The following ATR variants were observed in gnomAD, a reference collection of about 807,000 sequenced individuals.
ATR encodes ATR checkpoint kinase.
A neutral mutation model predicts 305.3 loss-of-function variants in ATR; 142 were observed. The observed-to-expected ratio is 0.47, with a 90% CI of 0.41 to 0.53. ATR has a LOEUF of 0.53. Among genes scored for constraint, ATR ranks in the 20% least tolerant of loss-of-function variants. ATR has a pLI of 0.00. For synonymous variants in ATR, 1,050 were observed against 1,068.1 expected, an observed-to-expected ratio of 0.98 and a Z score of 0.33; for missense variants, 2,135 against 3,133.1, an observed-to-expected ratio of 0.68 and a Z score of 7.60.
chr3:142,457,864 A>T, intron 44 of ATR, 109 bp from the exon 45 acceptor site: 1 of 1,213,242 alleles, frequency 8.2e-7, no homozygotes, highest in Non-Finnish European at 1.2e-6. Context: ...AATACCCTCA[A>T]AATATTTATG....
chr3:142,483,215 A>G (rs1346043652), intron 36 of ATR, among the ~76,000 whole-genome samples: 1 of 150,880 alleles, frequency 6.6e-6, no homozygotes, highest in Admixed American at 6.6e-5. Flanking sequence ...CTGAGAAGTC[A>G]TAGTACCTCA....
chr3:142,550,448 G>C, intron 13 of ATR, 146 bp from the exon 14 acceptor site: 1 of 831,586 alleles, frequency 1.2e-6, no homozygotes, highest in East Asian at 2.6e-5. Context: ...ACCTTAATGA[G>C]GTAGACTATG....
chr3:142,553,539 A>T (rs1242023564), intron 12 of ATR, 101 bp downstream of exon 12: 1 of 1,452,768 alleles, frequency 6.9e-7, no homozygotes, highest in Non-Finnish European at 9.5e-7. Flanking sequence ...CATTTTGTCT[A>T]TAATATCACA....
At chr3:142,522,556 T>C (rs941630565) in intron 23 of ATR, among the ~76,000 whole-genome samples, 172 bp downstream of exon 23, 4 of 152,180 alleles carry the variant, frequency 2.6e-5, no homozygotes, top group Admixed American at 1.3e-4. Context: ...ACTATACCTA[T>C]AATAATTGGT....
chr3:142,547,260 A>G (rs1388890885), intron 16 of ATR, among the ~76,000 whole-genome samples: 3 of 152,210 alleles, frequency 2.0e-5, no homozygotes, highest in African/African-American at 7.2e-5. Flanking sequence ...GGATTAAACT[A>G]CAGTTAGAAT....
chr3:142,517,351 A>T (rs1415874747), intron 24 of ATR, among the ~76,000 whole-genome samples: 1 of 20,088 alleles, frequency 5.0e-5, no homozygotes, highest in South Asian at 7.2e-4. Flanking sequence ...AGCCCAAATT[A>T]AAAAAAAAAA....
intron 23 of ATR, among the ~76,000 whole-genome samples, chr3:142,519,999 G>A (rs184064286): frequency 1.3e-5 from 2 of 152,128 alleles, no homozygotes; most frequent in Admixed American, 1.3e-4. Flanking sequence ...AAATCTATCA[G>A]TGCCATTTTC....
chr3:142,472,931 T>C (rs1305447581), intron 36 of ATR, among the ~76,000 whole-genome samples: 1 of 152,164 alleles, frequency 6.6e-6, no homozygotes, highest in African/African-American at 2.4e-5. Context: ...TGAGCCACCA[T>C]GCCTGGCCAG....
chr3:142,476,947 A>T (rs2071472757), intron 36 of ATR, among the ~76,000 whole-genome samples: 1 of 152,292 alleles, frequency 6.6e-6, no homozygotes, highest in African/African-American at 2.4e-5. Flanking sequence ...TTGATTTTGT[A>T]TCCTGAGACT....
chr3:142,572,959 A>C (rs2035323146), intron 1 of ATR, among the ~76,000 whole-genome samples: 1 of 152,152 alleles, frequency 6.6e-6, no homozygotes. Context: ...CCACTAGACT[A>C]TAAGCTCCTA....
chr3:142,496,561 T>TA (rs1399220469), intron 33 of ATR, 41 bp from the exon 34 acceptor site: 1 of 1,582,438 alleles, frequency 6.3e-7, no homozygotes, highest in Non-Finnish European at 8.6e-7. Context: ...AGACCATTGG[T>TA]AAGTGTACAC....
At chr3:142,483,894 C>T (rs1025694169) in intron 36 of ATR, among the ~76,000 whole-genome samples, 5 of 147,538 alleles carry the variant, frequency 3.4e-5, no homozygotes, top group Admixed American at 1.3e-4. Flanking sequence ...TATATAACCA[C>T]GAAATATGAC....
intron 41 of ATR, among the ~76,000 whole-genome samples, chr3:142,463,460 G>C (rs950592784): frequency 6.6e-6 from 1 of 152,256 alleles, no homozygotes; most frequent in Non-Finnish European, 1.5e-5. Flanking sequence ...GCAGTGGCAC[G>C]ATCTGGGCTC....
intron 38 of ATR, among the ~76,000 whole-genome samples, chr3:142,468,725 C>T (rs1024913259): frequency 3.3e-5 from 5 of 152,084 alleles, no homozygotes; most frequent in African/African-American, 9.7e-5. Flanking sequence ...CACGATAGCT[C>T]ATGCCTGTAA....
intron 36 of ATR, among the ~76,000 whole-genome samples, chr3:142,482,895 A>G (rs999834483): frequency 6.7e-6 from 1 of 149,652 alleles, no homozygotes; most frequent in Non-Finnish European, 1.5e-5. Flanking sequence ...CCCTAATACC[A>G]TTGATGATGA....
At chr3:142,540,601 CCCAA>C (rs1297588093) in intron 18 of ATR, among the ~76,000 whole-genome samples, 5 of 151,456 alleles carry the variant, frequency 3.3e-5, no homozygotes, top group Non-Finnish European at 7.4e-5. Context: ...TCTAAAATAC[CCCAA>C]CCAACAATCA....
intron 36 of ATR, among the ~76,000 whole-genome samples, chr3:142,477,294 A>G (rs181598934): frequency 6.6e-6 from 1 of 152,238 alleles, no homozygotes; most frequent in African/African-American, 2.4e-5. Context: ...GAGAGTTTTT[A>G]GCATGAAGGG....
intron 46 of ATR, chr3:142,450,060 G>A (rs866572963): frequency 5.4e-5 from 16 of 294,380 alleles, no homozygotes; most frequent in African/African-American, 1.5e-4. Context: ...GAAGAATAAC[G>A]TTATTAGAAG....
intron 46 of ATR, chr3:142,450,233 C>T: frequency 1.6e-6 from 1 of 626,094 alleles, no homozygotes; most frequent in Non-Finnish European, 2.9e-6. Context: ...AGCAGAACTC[C>T]AGGTATTAAA....
Sources: gnomAD v4.1 joint callset for allele counts (sites outside exome capture counted in the v4.1 genomes callset) on GRCh38, gnomAD v4.1.1 for gene constraint, MANE v1.5 for transcripts, NCBI Gene and HGNC (gene_info 2026-07-23, HGNC 2026-07-21) for gene names.